B3GALT6: variants seen among roughly 807,000 people sequenced by gnomAD.
B3GALT6 encodes beta-1,3-galactosyltransferase 6, also known as GAG GalTII.
B3GALT6 carries 27 observed loss-of-function variants against 23.3 expected under a neutral mutation model. The ratio of observed to expected loss-of-function variants is 1.16; its 90% CI spans 0.85 to 1.60. The LOEUF (loss-of-function observed/expected upper bound fraction) is 1.60. Among genes scored for constraint, B3GALT6 ranks in the 40% most tolerant of loss-of-function variants. The pLI is 0.00. For synonymous variants in B3GALT6, 313 were observed against 232.3 expected (o/e 1.35, Z -3.16); for missense variants, 554 against 471.1 (o/e 1.18, Z -1.63).
In B3GALT6 at chr1:1,234,303, G is replaced by T. The variant is rs539084399; in HGVS notation, c.*1035G>T. 1 of 167,088 alleles carries T rather than the reference G, an allele frequency of 6.0e-6. No homozygotes were observed. Among genetic ancestry groups the T allele is most frequent in the South Asian group, 2.1e-4 (1 of 4,832 alleles). The allele number at this position is 167,088 out of a possible 1,614,324, so 10.4% of individuals were successfully genotyped here. A position where few individuals can be genotyped will look rare whatever the true frequency, so the allele number is the denominator to read the frequency against. ...GTCTAGTCTCGAGCATCAGGGTCAG[G>T]CTCGGGGCAGGGCTGGGTTAGGCTC... On this transcript the variant is annotated 3_prime_UTR_variant, in exon 1 of 1. Coordinates refer to ENST00000379198, the MANE Select transcript of B3GALT6 (RefSeq NM_080605.4).
rs774559255 is a variant in B3GALT6 at position 1,232,968 on chromosome 1, C to T, written c.690C>T (p.Leu230=). ...CCGACCTGGTGCACTACCTGCGCCT[C>T]AGCCGCGACTACCTGCGCGCCTGGC... ...LSADLVHYLR[L]SRDYLRAWHS... The change falls in exon 1 of 1, where the codon CTC becomes CTT. Residue 230 remains leucine (L), a synonymous_variant. Coordinates refer to ENST00000379198, the MANE Select transcript of B3GALT6 (RefSeq NM_080605.4). 4.5e-6 allele frequency: 7 copies of T among 1,563,394 alleles called. No homozygotes were observed. The Middle Eastern group carries it at 5.9e-4, about 131-fold the overall frequency.
rs1477482908 is a variant in B3GALT6 at position 1,233,290 on chromosome 1, G to A, written c.*22G>A. ...CTGAGCCGCCGCGGCCCGGCCCTCC[G>A]GGACACCTGCTTCACCCGGCGGCGC... On this transcript the variant is annotated 3_prime_UTR_variant, in exon 1 of 1. Coordinates refer to ENST00000379198, the MANE Select transcript of B3GALT6 (RefSeq NM_080605.4). The A allele has an allele frequency of 1.1e-5, 16 of 1,417,618 alleles. No homozygotes were observed. Among genetic ancestry groups the A allele is most frequent in the East Asian group, 1.1e-4 (4 of 35,776 alleles). 87.8% of individuals were successfully genotyped at this position (1,417,618 alleles called of 1,614,324 possible).
In B3GALT6 at chr1:1,232,802, C is replaced by CCGCG; in HGVS notation, c.528_531dup (p.Arg178AlafsTer266). On this transcript the variant is annotated frameshift_variant, in exon 1 of 1. Coordinates refer to ENST00000379198, the MANE Select transcript of B3GALT6 (RefSeq NM_080605.4). LOFTEE classifies it high-confidence loss of function. ...CTGGCCGAGCTGCGCGCCCGCGAGCCCGCGCGCCGCCGCCGCCTCTACTGG... is the reference window on the plus strand; with the variant it reads ...CTGGCCGAGCTGCGCGCCCGCGAGCCCGCGCGCGCGCCGCCGCCGCCTCTACTGG... The CCGCG allele has an allele frequency of 7.5e-7, 1 of 1,336,018 alleles. No individual in the cohort carries two copies. The highest frequency in any genetic ancestry group is 9.5e-7 in the Non-Finnish European group (1 of 1,048,788). 82.8% of individuals were successfully genotyped at this position (1,336,018 alleles called of 1,614,324 possible).
rs1204837935 is a variant in B3GALT6, at chr1:1,232,425, C to A, written c.147C>A (p.Pro49=). 5 of 992,150 alleles carry A rather than the reference C, an allele frequency of 5.0e-6. No individual in the cohort carries two copies. In the Admixed American group the frequency reaches 1.9e-4, roughly 37 times the overall value. The allele number at this position is 992,150 out of a possible 1,614,324, so 61.5% of individuals were successfully genotyped here. ...PRAMSGRSPP[P]PAPARAAAFL... ...CGATGTCGGGCCGCAGCCCGCCTCC[C>A]CCCGCGCCCGCGCGCGCCGCCGCCT... Residue 49 remains proline, a synonymous_variant, in exon 1 of 1, where the codon CCC becomes CCA. Transcript: ENST00000379198.
rs540078143 is a variant in B3GALT6 at position 1,232,648 on chromosome 1, G to A, written c.370G>A (p.Ala124Thr). 47 of 1,300,054 alleles carry A rather than the reference G, an allele frequency of 3.6e-5. No homozygotes were observed. The South Asian group carries it at 9.7e-4, about 27-fold the overall frequency. 80.5% of individuals were successfully genotyped at this position (1,300,054 alleles called of 1,614,324 possible). ...GCACGGGGACCTGCTGCTGCTGCCC[G>A]CGCTGCGCGACGCCTACGAAAACCT... is the stretch of plus-strand genomic sequence containing the variant. ...ARHGDLLLLP[A>T]LRDAYENLTA... The change falls in exon 1 of 1, where the codon GCG becomes ACG. Residue 124 changes from alanine to threonine, a missense_variant. Transcript: ENST00000379198.
rs866914942 is a variant in B3GALT6, at chr1:1,232,924, G to A, written c.646G>A (p.Gly216Ser). ...CDYYLPYALG[G>S]GYVLSADLVH... Reference sequence around the variant, plus strand: ...CTACTACCTGCCCTACGCGCTGGGCGGCGGCTACGTGCTCTCGGCCGACCT... The same window carrying A: ...CTACTACCTGCCCTACGCGCTGGGCAGCGGCTACGTGCTCTCGGCCGACCT... The change falls in exon 1 of 1, where the codon GGC becomes AGC. Residue 216 changes from glycine to serine, a missense_variant. By Grantham distance (56) the Gly-to-Ser change is moderately conservative. Transcript: ENST00000379198. 2 of 1,564,854 alleles carry A rather than the reference G, an allele frequency of 1.3e-6. No homozygotes were observed. Among genetic ancestry groups the A allele is most frequent in the East Asian group, 2.3e-5 (1 of 42,566 alleles).
chr1:1,233,421 G>A lies in B3GALT6; in HGVS notation c.*153G>A. On this transcript the variant is annotated 3_prime_UTR_variant, in exon 1 of 1. Coordinates refer to ENST00000379198, the MANE Select transcript of B3GALT6 (RefSeq NM_080605.4). ...CCCGGTCTGCGTTTGGGAGACCCCT[G>A]GGGGTTGCCGGGGCAGCGCGCCGTG... 9.8e-7 allele frequency: 1 copy of A among 1,025,374 alleles called. No homozygotes were observed. Among genetic ancestry groups the A allele is most frequent in the South Asian group, 2.4e-5 (1 of 41,830 alleles). 63.5% of individuals were successfully genotyped at this position (1,025,374 alleles called of 1,614,324 possible). A position where few individuals can be genotyped will look rare whatever the true frequency, so the allele number is the denominator to read the frequency against.
Position 1,232,557 on chromosome 1 carries a change from C to G in B3GALT6, c.279C>G (p.Arg93=), listed in dbSNP as rs1638541786. ...GGGCCCCGGGCGACGTGTGGGCGCG[C>G]TTTGCCGTGGGCACGGCCGGCCTGG... ...RRGAPGDVWA[R]FAVGTAGLGA... The change falls in exon 1 of 1, where the codon CGC becomes CGG. Residue 93 remains arginine, a synonymous_variant. Transcript: ENST00000379198. 2 of 1,175,982 alleles carry G rather than the reference C, an allele frequency of 1.7e-6. No individual in the cohort carries two copies. The highest frequency in any genetic ancestry group is 2.1e-6 in the Non-Finnish European group (2 of 952,576). The allele number at this position is 1,175,982 out of a possible 1,614,324, so 72.8% of individuals were successfully genotyped here. A position where few individuals can be genotyped will look rare whatever the true frequency, so the allele number is the denominator to read the frequency against.
At position 1,232,245 on chromosome 1, in the gene B3GALT6, G is replaced by GTCCGGCCTGGGCC. The variant is rs1638525952; in HGVS notation, c.-33_-21dup. 1 of 980,558 alleles carries GTCCGGCCTGGGCC rather than the reference G, an allele frequency of 1.0e-6. No individual in the cohort carries two copies. The highest frequency in any genetic ancestry group is 1.2e-6 in the Non-Finnish European group (1 of 828,172). 60.7% of individuals were successfully genotyped at this position (980,558 alleles called of 1,614,324 possible). A position where few individuals can be genotyped will look rare whatever the true frequency, so the allele number is the denominator to read the frequency against. On this transcript the variant is annotated 5_prime_UTR_variant, in exon 1 of 1. Transcript: ENST00000379198. ...GCCGGCGGCGCCTGCGCACTCGCGAGTCCGGCCTGGGCCGCCGGCCCGGCG... is the reference window on the plus strand; with the variant it reads ...GCCGGCGGCGCCTGCGCACTCGCGAGTCCGGCCTGGGCCTCCGGCCTGGGCCGCCGGCCCGGCG...
rs749494740 is a variant in B3GALT6, at chr1:1,232,962, G to C, written c.684G>C (p.Leu228=). Residue 228 remains leucine (L), a synonymous_variant, in exon 1 of 1, where the codon CTG becomes CTC. Transcript: ENST00000379198. ...TCTCGGCCGACCTGGTGCACTACCT[G>C]CGCCTCAGCCGCGACTACCTGCGCG... ...YVLSADLVHY[L]RLSRDYLRAW... 5 of 1,564,214 alleles carry C rather than the reference G, an allele frequency of 3.2e-6. No individual in the cohort carries two copies. Among genetic ancestry groups the C allele is most frequent in the Middle Eastern group, 4.0e-4 (2 of 5,044 alleles).
Position 1,232,905 on chromosome 1 carries a change from C to G in B3GALT6, c.627C>G (p.Tyr209Ter). The stretch of plus-strand genomic sequence containing the variant: ...CCGCCTGGCAACTCTGCGACTACTA[C>G]CTGCCCTACGCGCTGGGCGGCGGCT... ...REAAWQLCDY[Y>*]LPYALGGGYV... Residue 209 changes from tyrosine to a stop codon, truncating the protein, a stop_gained, in exon 1 of 1, where the codon TAC becomes TAG. Transcript: ENST00000379198. LOFTEE classifies it high-confidence loss of function. 6.4e-7 allele frequency: 1 copy of G among 1,567,770 alleles called. No homozygotes were observed. The highest frequency in any genetic ancestry group is 8.6e-7 in the Non-Finnish European group (1 of 1,167,394).
rs1210241700 is a variant in B3GALT6, at chr1:1,232,784, A to G, written c.506A>G (p.Glu169Gly). 2 of 1,378,484 alleles carry G rather than the reference A, an allele frequency of 1.5e-6. No homozygotes were observed. Among genetic ancestry groups the G allele is most frequent in the Non-Finnish European group, 1.9e-6 (2 of 1,070,326 alleles). 85.4% of individuals were successfully genotyped at this position (1,378,484 alleles called of 1,614,324 possible). A position where few individuals can be genotyped will look rare whatever the true frequency, so the allele number is the denominator to read the frequency against. Residue 169 changes from glutamate (E) to glycine (G), a missense_variant, in exon 1 of 1, where the codon GAG becomes GGG. By Grantham distance (98) the Glu-to-Gly change is moderately conservative. Coordinates refer to ENST00000379198, the MANE Select transcript of B3GALT6 (RefSeq NM_080605.4). The stretch of plus-strand genomic sequence containing the variant: ...GCGCGGCTGGACGCGCTGCTGGCCG[A>G]GCTGCGCGCCCGCGAGCCCGCGCGC... ...SFARLDALLA[E>G]LRAREPARRR...
rs752313553 is a variant in B3GALT6 at position 1,232,930 on chromosome 1, T to C, written c.652T>C (p.Tyr218His). The C allele has an allele frequency of 5.7e-6, 9 of 1,565,838 alleles. No homozygotes were observed. The highest frequency in any genetic ancestry group is 7.7e-6 in the Non-Finnish European group (9 of 1,164,474). Residue 218 changes from tyrosine (Y) to histidine (H), a missense_variant, in exon 1 of 1, where the codon TAC becomes CAC. By Grantham distance (83) the Tyr-to-His change is moderately conservative. Transcript: ENST00000379198. ...CCTGCCCTACGCGCTGGGCGGCGGC[T>C]ACGTGCTCTCGGCCGACCTGGTGCA... ...YYLPYALGGGYVLSADLVHYL... is the reference protein window; with the variant it reads ...YYLPYALGGGHVLSADLVHYL...
At position 1,234,370 on chromosome 1, in the gene B3GALT6, C is replaced by G. The variant is rs1316460401; in HGVS notation, c.*1102C>G. On this transcript the variant is annotated 3_prime_UTR_variant, in exon 1 of 1. Transcript: ENST00000379198. Reference sequence around the variant, plus strand: ...TGGGTTTGGGAGCAGGTTTGGGTTACTTGCGTTTGAAGGCAGCAGTGGTCT... The same window carrying G: ...TGGGTTTGGGAGCAGGTTTGGGTTAGTTGCGTTTGAAGGCAGCAGTGGTCT... 5 of 167,010 alleles carry G rather than the reference C, an allele frequency of 3.0e-5. No homozygotes were observed. The highest frequency in any genetic ancestry group is 9.7e-5 in the African/African-American group (4 of 41,430). 10.3% of individuals were successfully genotyped at this position (167,010 alleles called of 1,614,324 possible). A position where few individuals can be genotyped will look rare whatever the true frequency, so the allele number is the denominator to read the frequency against.
chr1:1,232,391 A>G lies in B3GALT6; in HGVS notation c.113A>G (p.Asp38Gly), dbSNP rs1011531766. 1.0e-6 allele frequency: 1 copy of G among 985,004 alleles called. No homozygotes were observed. 61.0% of individuals were successfully genotyped at this position (985,004 alleles called of 1,614,324 possible). ...GCGCGCTGCGCGGCCGAGCCCGGGG[A>G]CCCCAGGGCGATGTCGGGCCGCAGC... ...YLARCAAEPG[D>G]PRAMSGRSPP... Residue 38 changes from aspartate (D) to glycine (G), a missense_variant, in exon 1 of 1, where the codon GAC becomes GGC. Transcript: ENST00000379198.
At position 1,233,451 on chromosome 1, in the gene B3GALT6, G is replaced by T. The variant is rs993054124; in HGVS notation, c.*183G>T. On this transcript the variant is annotated 3_prime_UTR_variant, in exon 1 of 1. Transcript: ENST00000379198. ...TTGCCGGGGCAGCGCGCCGTGTCCA[G>T]GTGGAGGTGCCCGTTCCTGGACCTC... The T allele has an allele frequency of 1.3e-6, 1 of 791,074 alleles. No individual in the cohort carries two copies. The highest frequency in any genetic ancestry group is 1.8e-6 in the Non-Finnish European group (1 of 555,126). 49.0% of individuals were successfully genotyped at this position (791,074 alleles called of 1,614,324 possible).
At position 1,234,197 on chromosome 1, in the gene B3GALT6, C is replaced by CG; in HGVS notation, c.*930dup. On this transcript the variant is annotated 3_prime_UTR_variant, in exon 1 of 1. Coordinates refer to ENST00000379198, the MANE Select transcript of B3GALT6 (RefSeq NM_080605.4). ...TTACCATGAGCTCCCTGGAGTCCGA[C>CG]GCGGGTTTTCTCTCTGGGGGACCTG... 1 of 166,974 alleles carries CG rather than the reference C, an allele frequency of 6.0e-6. No homozygotes were observed. The highest frequency in any genetic ancestry group is 1.9e-4 in the East Asian group (1 of 5,198). The allele number at this position is 166,974 out of a possible 1,614,324, so 10.3% of individuals were successfully genotyped here.
In B3GALT6 at chr1:1,232,453, C is replaced by G. The variant is rs963500907; in HGVS notation, c.175C>G (p.Leu59Val). The G allele has an allele frequency of 6.0e-6, 6 of 1,001,654 alleles. No homozygotes were observed. The highest frequency in any genetic ancestry group is 7.1e-6 in the Non-Finnish European group (6 of 842,946). The allele number at this position is 1,001,654 out of a possible 1,614,324, so 62.0% of individuals were successfully genotyped here. ...CGCGCCCGCGCGCGCCGCCGCCTTC[C>G]TGGCAGTGCTGGTGGCCAGCGCGCC... ...PPAPARAAAF[L>V]AVLVASAPRA... Residue 59 changes from leucine (L) to valine (V), a missense_variant, in exon 1 of 1, where the codon CTG becomes GTG. Transcript: ENST00000379198.
chr1:1,233,241 C>T lies in B3GALT6; in HGVS notation c.963C>T (p.Cys321=). The T allele has an allele frequency of 6.7e-7, 1 of 1,485,834 alleles. No individual in the cohort carries two copies. Among genetic ancestry groups the T allele is most frequent in the Non-Finnish European group, 8.9e-7 (1 of 1,118,376 alleles). The allele number at this position is 1,485,834 out of a possible 1,614,324, so 92.0% of individuals were successfully genotyped here. The change falls in exon 1 of 1, where the codon TGC becomes TGT. Residue 321 remains cysteine, a synonymous_variant. Coordinates refer to ENST00000379198, the MANE Select transcript of B3GALT6 (RefSeq NM_080605.4). The part of the protein sequence containing the change: ...VYDWSAPPSQ[C]CQRREGIP ...ACTGGTCCGCGCCGCCCTCGCAGTG[C>T]TGCCAGAGAAGGGAGGGCATCCCCT... is the stretch of plus-strand genomic sequence containing the variant.
Sources: gnomAD v4.1 joint callset for allele counts on GRCh38, gnomAD v4.1.1 for gene constraint, MANE v1.5 for transcripts, NCBI Gene and HGNC (gene_info 2026-07-23, HGNC 2026-07-21) for gene names.